Variants in AKAP13 observed in about 807,000 individuals in gnomAD.
AKAP13 encodes the protein A-kinase anchoring protein 13.
Under a neutral mutation model 264.5 loss-of-function variants are expected in AKAP13, and 80 were observed. That is an observed-to-expected ratio of 0.30 (90% CI 0.25 to 0.36). AKAP13 has a LOEUF of 0.36. Ranked by LOEUF, AKAP13 falls within the 10% of genes least tolerant of loss-of-function variation. The pLI, the probability that AKAP13 is intolerant of heterozygous loss-of-function variation, is 1.00. For missense variants in AKAP13, 3,712 were observed against 3,435.2 expected (o/e 1.08, Z -2.01); for synonymous variants, 1,380 against 1,250.2 (o/e 1.10, Z -2.19).
chr15:85,658,878 C>G (rs941404592), intron 12 of AKAP13, among the ~76,000 whole-genome samples: 2 of 151,938 alleles, frequency 1.3e-5, no homozygotes, highest in African/African-American at 4.8e-5. Flanking sequence ...AGGGTCTCAC[C>G]TAGCTTTCTC....
At chr15:85,671,683 G>A (rs2083939821) in intron 14 of AKAP13, among the ~76,000 whole-genome samples, 2 of 150,616 alleles carry the variant, frequency 1.3e-5, no homozygotes, top group Non-Finnish European at 1.5e-5. Flanking sequence ...TGTTTGGCTT[G>A]TATAGAATGG....
chr15:85,533,267 A>G (rs534677390), intron 3 of AKAP13, among the ~76,000 whole-genome samples: 12 of 152,308 alleles, frequency 7.9e-5, no homozygotes, highest in Admixed American at 2.6e-4. Context: ...ATTCTTAAAT[A>G]TGTTCAAATT....
chr15:85,533,699 A>G lies in AKAP13; in HGVS notation c.297A>G (p.Ala99=), dbSNP rs2077308681. Residue 99 remains alanine, a synonymous_variant, in exon 4 of 37, where the codon GCA becomes GCG. Coordinates refer to ENST00000394518, the MANE Select transcript of AKAP13 (RefSeq NM_007200.5). ...FHFVQDEAYD[A]AQFLATSAGN... ...TCGTCCAGGATGAAGCGTATGATGC[A>G]GCTCAATTCCTAGCAACCAGTGCTG... 1.9e-6 allele frequency: 3 copies of G among 1,614,186 alleles called. No individual in the cohort carries two copies. Among genetic ancestry groups the G allele is most frequent in the Non-Finnish European group, 2.5e-6 (3 of 1,180,036 alleles).
chr15:85,554,724 A>C (rs2078080228), intron 5 of AKAP13, among the ~76,000 whole-genome samples: 1 of 152,158 alleles, frequency 6.6e-6, no homozygotes, highest in African/African-American at 2.4e-5. Context: ...TTTTGAATTC[A>C]CATTCATTTA....
chr15:85,382,715 C>G (rs1278365445), intron 1 of AKAP13, among the ~76,000 whole-genome samples: 1 of 152,206 alleles, frequency 6.6e-6, no homozygotes. Flanking sequence ...TAAATGGACT[C>G]CTCCTCTAGT....
intron 36 of AKAP13, 162 bp from the exon 37 acceptor site, chr15:85,744,466 T>A: frequency 1.4e-6 from 1 of 734,482 alleles, no homozygotes; most frequent in Non-Finnish European, 2.4e-6. Context: ...TTAAGAACCT[T>A]ATTAACCAAA....
chr15:85,557,921 G>A (rs1347922833), intron 5 of AKAP13, among the ~76,000 whole-genome samples: 3 of 152,136 alleles, frequency 2.0e-5, no homozygotes, highest in African/African-American at 7.2e-5. Flanking sequence ...GCTTTGCTCA[G>A]GCCTATATGA....
chr15:85,644,830 T>TA (rs1180035909), intron 9 of AKAP13, among the ~76,000 whole-genome samples: 1 of 152,066 alleles, frequency 6.6e-6, no homozygotes, highest in African/African-American at 2.4e-5. Context: ...AGGAAGCTCA[T>TA]ATCCACTCAG....
At chr15:85,537,205 C>T (rs761759524) in intron 4 of AKAP13, among the ~76,000 whole-genome samples, 26 of 152,120 alleles carry the variant, frequency 1.7e-4, no homozygotes, top group Non-Finnish European at 3.5e-4. Context: ...GAGTTCATCA[C>T]GCCTGCTGTT....
chr15:85,570,202 G>A (rs1211016645), intron 5 of AKAP13, among the ~76,000 whole-genome samples: 2 of 152,180 alleles, frequency 1.3e-5, no homozygotes, highest in African/African-American at 4.8e-5. Flanking sequence ...TGTAATCCCA[G>A]CACTTTGGGA....
Position 85,581,886 on chromosome 15 carries a change from G to T in AKAP13, c.3818G>T (p.Gly1273Val). 1 of 1,614,146 alleles carries T rather than the reference G, an allele frequency of 6.2e-7. No homozygotes were observed. Among genetic ancestry groups the T allele is most frequent in the East Asian group, 2.2e-5 (1 of 44,878 alleles). The change falls in exon 7 of 37, where the codon GGG becomes GTG. Residue 1273 changes from glycine to valine, a missense_variant. Physicochemically the swap from Gly to Val is moderately radical, Grantham distance 109 (BLOSUM62 -3). This residue lies in a region of AKAP13 where 2,759 missense variants were observed against 2,411.7 expected (regional missense o/e 1.14). Coordinates refer to ENST00000394518, the MANE Select transcript of AKAP13 (RefSeq NM_007200.5). Reference sequence around the variant, plus strand: ...GCCGCTGGAGCACTGCTTACTGAGGGGGAGGCCTGTCACATGTCACTGTCC... The same window carrying T: ...GCCGCTGGAGCACTGCTTACTGAGGTGGAGGCCTGTCACATGTCACTGTCC... Reference protein sequence around the residue: ...VKAAGALLTEGEACHMSLSSP... With the variant: ...VKAAGALLTEVEACHMSLSSP...
intron 1 of AKAP13, among the ~76,000 whole-genome samples, chr15:85,474,465 C>A (rs1404608165): frequency 6.6e-6 from 1 of 152,154 alleles, no homozygotes; most frequent in African/African-American, 2.4e-5. Context: ...TCAGAAATAT[C>A]CTTGCTTGGT....
chr15:85,608,749 C>T (rs948594891), intron 8 of AKAP13, among the ~76,000 whole-genome samples: 1 of 152,162 alleles, frequency 6.6e-6, no homozygotes, highest in African/African-American at 2.4e-5. Context: ...ATTGTGGAAC[C>T]TTGATACACA....
intron 1 of AKAP13, among the ~76,000 whole-genome samples, chr15:85,483,933 C>T (rs1390677880): frequency 2.2e-4 from 33 of 152,120 alleles, no homozygotes; most frequent in Admixed American, 1.3e-4. Context: ...CTTCTTCCAG[C>T]GTGGCCCAGG....
chr15:85,697,292 C>T (rs987845535), intron 17 of AKAP13, among the ~76,000 whole-genome samples: 1 of 152,150 alleles, frequency 6.6e-6, no homozygotes, highest in African/African-American at 2.4e-5. Context: ...TAAAAGGGGC[C>T]GGGCGCAGTG....
intron 2 of AKAP13, among the ~76,000 whole-genome samples, chr15:85,504,306 A>C (rs1026005902): frequency 4.6e-5 from 7 of 151,960 alleles, no homozygotes; most frequent in Admixed American, 3.9e-4. Context: ...GGAAGGAGCG[A>C]GGAATGAGGA....
intron 30 of AKAP13, among the ~76,000 whole-genome samples, chr15:85,731,074 G>C (rs1406932595): frequency 1.5e-5 from 2 of 134,500 alleles, no homozygotes; most frequent in African/African-American, 5.8e-5. Context: ...GTGCAACCTC[G>C]GCTCACTGCA....
chr15:85,576,501 G>A lies in AKAP13; in HGVS notation c.861+1172G>A, dbSNP rs369726237. On this transcript the variant is annotated intron_variant, in intron 6 of 36. Transcript: ENST00000394518. ...AGCATTTATTACGAATAACATAAACGTCATATGTGTACATCTCTCTTGGGC... is the reference window on the plus strand; with the variant it reads ...AGCATTTATTACGAATAACATAAACATCATATGTGTACATCTCTCTTGGGC... Among the ~76,000 whole-genome samples, 6 of 152,092 alleles carry A rather than the reference G, an allele frequency of 3.9e-5. No individual in the cohort carries two copies. The East Asian group carries it at 7.7e-4, about 20-fold the overall frequency.
chr15:85,457,935 A>T (rs1050741742), intron 1 of AKAP13, among the ~76,000 whole-genome samples: 2 of 152,008 alleles, frequency 1.3e-5, no homozygotes, highest in Admixed American at 1.3e-4. Context: ...AGGTCACGAA[A>T]TCGAGACCAG....
Sources: allele counts gnomAD v4.1 joint callset (sites outside exome capture counted in the v4.1 genomes callset), GRCh38; gene constraint gnomAD v4.1.1; regional missense constraint gnomAD v4.1.1; transcripts MANE v1.5; gene names NCBI Gene and HGNC (gene_info 2026-07-23, HGNC 2026-07-21).